Variants in DRC2 observed in about 807,000 individuals in gnomAD.
DRC2 encodes coiled-coil domain containing 65.
chr12:48,918,910 CAG>C, the DRC2 span: 138,999 of 1,604,740 alleles, frequency 0.087, 9,147 homozygotes, highest in Admixed American at 0.3. Flanking sequence ...TAAGGTAACA[CAG>C]GGGAGAGGAC....
chr12:48,921,517 ATTTT>A, the DRC2 span: 2 of 1,388,102 alleles, frequency 1.4e-6, no homozygotes, highest in African/African-American at 1.5e-5. Context: ...ACTCCTAGAG[ATTTT>A]TTTTTTTTTT....
the DRC2 span, among the ~76,000 whole-genome samples, chr12:48,915,340 C>T: frequency 2.1e-4 from 31 of 145,942 alleles, no homozygotes; most frequent in African/African-American, 7.9e-4. Flanking sequence ...CTTCAAGCAT[C>T]TGTTTAACAA....
the DRC2 span, among the ~76,000 whole-genome samples, chr12:48,913,292 T>C: frequency 6.6e-6 from 1 of 151,912 alleles, no homozygotes; most frequent in Non-Finnish European, 1.5e-5. Flanking sequence ...TTCATGGGGC[T>C]CTTTGCTATC....
chr12:48,919,502 C>T, the DRC2 span, among the ~76,000 whole-genome samples: 1 of 150,652 alleles, frequency 6.6e-6, no homozygotes, highest in East Asian at 2.0e-4. Context: ...TGAGCTCCCC[C>T]TTACATTTTA....
At chr12:48,916,833 A>G in the DRC2 span, 1 of 747,814 alleles carries the variant, frequency 1.3e-6, no homozygotes, top group Non-Finnish European at 2.1e-6. Flanking sequence ...AAAAAGAGTA[A>G]AGCCTTCCCT....
chr12:48,921,312 G>A, the DRC2 span: 53 of 1,614,160 alleles, frequency 3.3e-5, no homozygotes, highest in East Asian at 1.1e-3. Flanking sequence ...GTACTTGGAT[G>A]GCATCTCAGT....
the DRC2 span, among the ~76,000 whole-genome samples, chr12:48,917,467 A>G: frequency 1.3e-5 from 2 of 152,024 alleles, no homozygotes; most frequent in Non-Finnish European, 2.9e-5. Flanking sequence ...CTGTCTCAAA[A>G]AAATTAAAAA....
At chr12:48,916,941 G>A in the DRC2 span, 592,168 of 1,603,696 alleles carry the variant, frequency 0.37, 114,022 homozygotes, top group Admixed American at 0.52. Flanking sequence ...GTATCCCTCA[G>A]AGCAGGGACA....
the DRC2 span, chr12:48,918,500 C>T: frequency 6.2e-7 from 1 of 1,601,290 alleles, no homozygotes; most frequent in Non-Finnish European, 8.5e-7. Context: ...GAAATACTCA[C>T]TGCTTTAACT....
chr12:48,916,348 G>C, the DRC2 span, among the ~76,000 whole-genome samples: 3 of 151,624 alleles, frequency 2.0e-5, no homozygotes, highest in East Asian at 3.9e-4. Flanking sequence ...CTGCAATCCC[G>C]GCACCTCGGG....
the DRC2 span, chr12:48,918,592 C>G: frequency 1.3e-6 from 2 of 1,487,996 alleles, no homozygotes; most frequent in Non-Finnish European, 1.8e-6. Context: ...ATGATATGCT[C>G]TGATTTCAGT....
the DRC2 span, chr12:48,918,350 G>A: frequency 1.2e-6 from 2 of 1,614,072 alleles, no homozygotes; most frequent in African/African-American, 1.3e-5. Context: ...GTTCCAGGAT[G>A]TACTCAAGAA....
the DRC2 span, chr12:48,917,088 T>C: frequency 6.2e-7 from 1 of 1,613,890 alleles, no homozygotes; most frequent in Non-Finnish European, 8.5e-7. Flanking sequence ...CCAGAGCATG[T>C]GGAATGATCT....
the DRC2 span, chr12:48,904,593 T>G: frequency 2.2e-6 from 3 of 1,347,246 alleles, no homozygotes; most frequent in Non-Finnish European, 3.0e-6. Context: ...CCAGATATAC[T>G]TAGATTTCAG....
chr12:48,915,922 G>C, the DRC2 span, among the ~76,000 whole-genome samples: 1 of 150,582 alleles, frequency 6.6e-6, no homozygotes, highest in African/African-American at 2.4e-5. Flanking sequence ...CTCCCAGACG[G>C]GGTGGCGGCC....
chr12:48,914,199 A>G, the DRC2 span, among the ~76,000 whole-genome samples: 2 of 151,950 alleles, frequency 1.3e-5, no homozygotes, highest in Non-Finnish European at 2.9e-5. Flanking sequence ...TTGGCTACCC[A>G]AAGTGTTGGG....
chr12:48,911,981 T>C, the DRC2 span, among the ~76,000 whole-genome samples: 1 of 150,646 alleles, frequency 6.6e-6, no homozygotes, highest in African/African-American at 2.4e-5. Context: ...AACTTCTGGC[T>C]GGGCACGGTG....
chr12:48,904,269 C>A, the DRC2 span: 7 of 1,544,518 alleles, frequency 4.5e-6, 1 homozygote, highest in South Asian at 8.7e-5. Context: ...GGACATTTTT[C>A]TTCTAAGCTC....
chr12:48,907,088 A>G, the DRC2 span, among the ~76,000 whole-genome samples: 1 of 151,676 alleles, frequency 6.6e-6, no homozygotes, highest in Non-Finnish European at 1.5e-5. Flanking sequence ...GGTGGCGGGC[A>G]CCTGTAGTCC....
Sources: gnomAD v4.1 joint callset for allele counts (sites outside exome capture counted in the v4.1 genomes callset) on GRCh38, gnomAD v4.1.1 for gene constraint, MANE v1.5 for transcripts, NCBI Gene and HGNC (gene_info 2026-07-23, HGNC 2026-07-21) for gene names.